PDE1A: variants seen among roughly 807,000 people sequenced by gnomAD.
The protein encoded by PDE1A is phosphodiesterase 1A, also known as dual specificity calcium/calmodulin-dependent 3',5'-cyclic nucleotide phosphodiesterase 1A.
A neutral mutation model predicts 61.7 loss-of-function variants in PDE1A; 35 were observed. The ratio of observed to expected loss-of-function variants is 0.57; its 90% confidence interval spans 0.43 to 0.75. The LOEUF is 0.75. Ranked by LOEUF, PDE1A falls within the 30% of genes least tolerant of loss-of-function variation. PDE1A has a pLI of 0.00. For synonymous variants in PDE1A, 232 were observed against 213.2 expected (o/e 1.09, Z -0.77); for missense variants, 597 against 630.6 (o/e 0.95, Z 0.57).
the PDE1A span, among the ~76,000 whole-genome samples, chr2:182,706,548 C>G: frequency 6.6e-6 from 1 of 152,162 alleles, no homozygotes; most frequent in Non-Finnish European, 1.5e-5. Flanking sequence ...GTAAACTTTT[C>G]TGATTTAAAA....
chr2:182,667,062 G>A, the PDE1A span, among the ~76,000 whole-genome samples: 1 of 152,098 alleles, frequency 6.6e-6, no homozygotes. Context: ...TGAATCAGGG[G>A]GTTCTAACCT....
chr2:182,306,862 G>C (rs991302408), intron 1 of PDE1A, among the ~76,000 whole-genome samples: 1 of 152,062 alleles, frequency 6.6e-6, no homozygotes, highest in Non-Finnish European at 1.5e-5. Context: ...GAAAACACAG[G>C]GGTGACACTA....
At chr2:182,329,331 A>G (rs978504167) in intron 1 of PDE1A, among the ~76,000 whole-genome samples, 7 of 152,194 alleles carry the variant, frequency 4.6e-5, no homozygotes, top group African/African-American at 1.7e-4. Flanking sequence ...TTCTATCCAT[A>G]TATTCATAAA....
At chr2:182,327,478 CTTTAAAT>C (rs1697119784) in intron 1 of PDE1A, among the ~76,000 whole-genome samples, 2 of 152,096 alleles carry the variant, frequency 1.3e-5, no homozygotes, top group Non-Finnish European at 2.9e-5. Flanking sequence ...TTTGAAAATA[CTTTAAAT>C]TTTAATGGTA....
chr2:182,697,071 C>T, the PDE1A span, among the ~76,000 whole-genome samples: 14 of 152,264 alleles, frequency 9.2e-5, no homozygotes, highest in East Asian at 2.7e-3. Context: ...GGCCAAATTG[C>T]ACCAAATCTC....
intron 1 of PDE1A, 146 bp downstream of exon 1, chr2:182,426,432 G>C (rs944616281): frequency 1.7e-6 from 1 of 584,000 alleles, no homozygotes; most frequent in Non-Finnish European, 3.1e-6. Context: ...AAAACAAAAA[G>C]GCTCCCTCAG....
intron 1 of PDE1A, among the ~76,000 whole-genome samples, chr2:182,334,283 C>T (rs948380419): frequency 4.6e-5 from 7 of 151,402 alleles, no homozygotes; most frequent in African/African-American, 1.7e-4. Flanking sequence ...CACACACACA[C>T]ACACACATGC....
chr2:182,449,601 TC>T (rs930251454), intron 2 of PDE1A, among the ~76,000 whole-genome samples: 2 of 152,112 alleles, frequency 1.3e-5, no homozygotes, highest in African/African-American at 4.8e-5. Flanking sequence ...AGGCTTATTT[TC>T]CACATTTTCT....
intron 13 of PDE1A, among the ~76,000 whole-genome samples, chr2:182,147,805 T>C (rs1690573383): frequency 6.6e-6 from 1 of 152,200 alleles, no homozygotes; most frequent in Non-Finnish European, 1.5e-5. Context: ...TTTGAGTCAA[T>C]TACTTGAAAT....
At position 182,208,095 on chromosome 2, in the gene PDE1A, T is replaced by C. The variant is rs570942060; in HGVS notation, c.777-2030A>G. On this transcript the variant is annotated intron_variant, in intron 7 of 13. Transcript: ENST00000351439. ...ATGGAGAACCTCTAGTAGGGCAGTGTGGAGGGGAAATGTGGGGTTAGAGTC... is the reference window on the plus strand; with the variant it reads ...ATGGAGAACCTCTAGTAGGGCAGTGCGGAGGGGAAATGTGGGGTTAGAGTC... Among the ~76,000 whole-genome samples the C allele has an allele frequency of 3.8e-3, 586 of 152,234 alleles. 2 individuals are homozygous for C. The highest frequency in any genetic ancestry group is 0.012 in the African/African-American group (497 of 41,550).
chr2:182,366,032 A>T (rs1480549608), intron 1 of PDE1A, among the ~76,000 whole-genome samples: 2 of 152,098 alleles, frequency 1.3e-5, no homozygotes, highest in Admixed American at 6.6e-5. Context: ...TCATCTGGCA[A>T]TAAACAGTTA....
intron 1 of PDE1A, among the ~76,000 whole-genome samples, chr2:182,343,151 T>TA (rs11379999): frequency 0.58 from 88,390 of 152,058 alleles, 25,924 homozygotes; most frequent in Admixed American, 0.68. Context: ...TTCATCCACT[T>TA]AGAGTGTGCA....
the PDE1A span, among the ~76,000 whole-genome samples, chr2:182,704,219 A>AAC: frequency 1.3e-4 from 20 of 149,164 alleles, 1 homozygote; most frequent in Non-Finnish European, 2.4e-4. Flanking sequence ...TGGAAAAAAA[A>AAC]AAAAAACAAA....
Position 182,301,358 on chromosome 2 carries a change from G to A in PDE1A, c.54-36944C>T, listed in dbSNP as rs572668245. Among the ~76,000 whole-genome samples the A allele has an allele frequency of 3.3e-5, 5 of 152,262 alleles. No homozygotes were observed. In the South Asian group the frequency reaches 1.0e-3, roughly 32 times the overall value. Reference sequence around the variant, plus strand: ...GCCAGTGGCTACTATATGGTGTTGTGTCTCTAACAGGTGGAATACATGGCT... The same window carrying A: ...GCCAGTGGCTACTATATGGTGTTGTATCTCTAACAGGTGGAATACATGGCT... On this transcript the variant is annotated intron_variant, in intron 1 of 13. Coordinates refer to ENST00000351439, the Ensembl canonical transcript of PDE1A.
chr2:182,156,427 T>C (rs569662654), intron 13 of PDE1A, among the ~76,000 whole-genome samples: 1 of 152,224 alleles, frequency 6.6e-6, no homozygotes, highest in Non-Finnish European at 1.5e-5. Flanking sequence ...CCATGAATTT[T>C]ATTACTAAGT....
At chr2:182,574,619 G>A in the PDE1A span, among the ~76,000 whole-genome samples, 2 of 152,160 alleles carry the variant, frequency 1.3e-5, no homozygotes, top group Admixed American at 6.5e-5. Flanking sequence ...TAGTACAAGC[G>A]TATACATGCA....
chr2:182,491,491 G>GTGCT (rs1169206188), intron 2 of PDE1A, among the ~76,000 whole-genome samples: 1 of 152,166 alleles, frequency 6.6e-6, no homozygotes, highest in Non-Finnish European at 1.5e-5. Context: ...TGTAGTTGAG[G>GTGCT]TGCTACAAGG....
chr2:182,602,224 C>T, the PDE1A span, among the ~76,000 whole-genome samples: 4 of 152,238 alleles, frequency 2.6e-5, no homozygotes, highest in South Asian at 2.1e-4. Flanking sequence ...TCTGCAGCCA[C>T]GGCTTGGGCA....
intron 13 of PDE1A, among the ~76,000 whole-genome samples, chr2:182,170,863 G>T (rs946523356): frequency 4.6e-5 from 7 of 151,858 alleles, no homozygotes; most frequent in African/African-American, 1.7e-4. Context: ...ACAAAATATT[G>T]CATCTTAAGA....
Sources: allele counts gnomAD v4.1 joint callset (sites outside exome capture counted in the v4.1 genomes callset), GRCh38; gene constraint gnomAD v4.1.1; transcripts MANE v1.5; gene names NCBI Gene and HGNC (gene_info 2026-07-23, HGNC 2026-07-21).